The following SNX25 variants were observed in gnomAD, a reference collection of about 807,000 sequenced individuals.
SNX25 encodes the protein sorting nexin 25.
Under a neutral mutation model 113.7 loss-of-function variants are expected in SNX25, and 62 were observed. The ratio of observed to expected loss-of-function variants is 0.55; its 90% CI spans 0.44 to 0.67. The LOEUF is 0.67. Among genes scored for constraint, SNX25 ranks in the 30% least tolerant of loss-of-function variants. The pLI is 0.00. For synonymous variants in SNX25, 421 were observed against 436.2 expected (o/e 0.97, Z 0.43); for missense variants, 1,014 against 1,161.0 (o/e 0.87, Z 1.84).
intron 14 of SNX25, among the ~76,000 whole-genome samples, chr4:185,351,858 G>A (rs1317408590): frequency 2.6e-5 from 4 of 151,808 alleles, no homozygotes; most frequent in East Asian, 3.9e-4. Context: ...CGCTACACAC[G>A]GGGCGCCAGT....
chr4:185,272,452 C>T lies in SNX25; in HGVS notation c.1091+5297C>T, dbSNP rs112684969. Among the ~76,000 whole-genome samples the T allele has an allele frequency of 1.2e-4, 19 of 152,284 alleles. 1 individual carries two copies. The highest frequency in any genetic ancestry group is 4.3e-4 in the African/African-American group (18 of 41,562). On this transcript the variant is annotated intron_variant, in intron 5 of 18. Coordinates refer to ENST00000652585, the MANE Select transcript of SNX25 (RefSeq NM_001378034.2). ...ACAGCTTGTGGCCCAGGAAAACATC[C>T]ATTGCTGCCTGCATTGTGTAATCCT...
Position 185,347,616 on chromosome 4 carries a change from GCC to G in SNX25, c.2301+967_2301+968del, listed in dbSNP as rs1561041550. 9.2e-5 allele frequency among the ~76,000 whole-genome samples: 14 copies of G among 152,028 alleles called. 1 individual carries two copies. In the East Asian group the frequency reaches 2.7e-3, roughly 29 times the overall value. ...CTCCCAAGTAGCTGGGATTACAGGCGCCTGCCACCACGCCTGGCTAATTTTTG... is the reference window on the plus strand; with the variant it reads ...CTCCCAAGTAGCTGGGATTACAGGCGTGCCACCACGCCTGGCTAATTTTTG... On this transcript the variant is annotated intron_variant, in intron 13 of 18. Coordinates refer to ENST00000652585, the MANE Select transcript of SNX25 (RefSeq NM_001378034.2).
chr4:185,378,380 C>T, the SNX25 span: 26 of 1,395,746 alleles, frequency 1.9e-5, no homozygotes, highest in Middle Eastern at 3.9e-4. Context: ...GACACCAAGA[C>T]CCTCCTCCCT....
At chr4:185,250,219 C>T (rs937506832) in intron 2 of SNX25, among the ~76,000 whole-genome samples, 2 of 152,200 alleles carry the variant, frequency 1.3e-5, no homozygotes, top group Admixed American at 6.5e-5. Flanking sequence ...ATAGACTTAA[C>T]TCCTCTGGTT....
intron 7 of SNX25, among the ~76,000 whole-genome samples, chr4:185,315,617 T>G (rs999558271): frequency 2.6e-5 from 4 of 152,068 alleles, no homozygotes; most frequent in Non-Finnish European, 2.9e-5. Flanking sequence ...CTATAAAACA[T>G]GTAAGGAAGA....
intron 6 of SNX25, among the ~76,000 whole-genome samples, chr4:185,299,216 G>A (rs28589687): frequency 2.0e-5 from 3 of 152,140 alleles, no homozygotes; most frequent in African/African-American, 7.2e-5. Flanking sequence ...GGTGGATGGC[G>A]GCACATGCGC....
intron 1 of SNX25, among the ~76,000 whole-genome samples, chr4:185,225,302 T>A (rs1560906253): frequency 6.6e-6 from 1 of 152,080 alleles, no homozygotes; most frequent in Admixed American, 6.5e-5. Context: ...ATTTTTGTAT[T>A]TTTAGTAGAG....
chr4:185,305,056 T>C (rs1278527413), intron 6 of SNX25, among the ~76,000 whole-genome samples: 2 of 152,102 alleles, frequency 1.3e-5, no homozygotes, highest in African/African-American at 4.8e-5. Flanking sequence ...TACCTCTGTA[T>C]CAGCACTGCT....
chr4:185,279,445 A>G (rs533463952), intron 5 of SNX25, among the ~76,000 whole-genome samples: 47 of 152,304 alleles, frequency 3.1e-4, no homozygotes, highest in African/African-American at 1.1e-3. Context: ...GCAACACTAA[A>G]AAGATGGGAA....
At chr4:185,280,623 A>G (rs1750431795) in intron 5 of SNX25, among the ~76,000 whole-genome samples, 1 of 152,226 alleles carries the variant, frequency 6.6e-6, no homozygotes, top group Admixed American at 6.5e-5. Context: ...GGTATAACAG[A>G]CACTAAAGCC....
intron 18 of SNX25, 126 bp downstream of exon 18, chr4:185,362,837 CTTTTTTT>C: frequency 6.5e-5 from 16 of 247,994 alleles, no homozygotes; most frequent in Admixed American, 2.2e-4. Context: ...TCTCCCTTGA[CTTTTTTT>C]TTTTTTTTTT....
At chr4:185,252,775 G>A (rs1017749552) in intron 2 of SNX25, among the ~76,000 whole-genome samples, 1 of 152,146 alleles carries the variant, frequency 6.6e-6, no homozygotes, top group Non-Finnish European at 1.5e-5. Context: ...GAAGAAAGAA[G>A]TAATAGTCAA....
At chr4:185,371,305 C>T (rs1334692696), downstream of SNX25, among the ~76,000 whole-genome samples, 7 of 151,948 alleles carry the variant, frequency 4.6e-5, no homozygotes, top group Non-Finnish European at 8.8e-5. Flanking sequence ...TTTGGGAGGC[C>T]AAGGCAGGCG....
chr4:185,247,410 T>G (rs755160744), intron 2 of SNX25, 32 bp downstream of exon 2: 10 of 1,360,380 alleles, frequency 7.4e-6, no homozygotes, highest in African/African-American at 2.9e-5. Flanking sequence ...ATAATTACCA[T>G]GTAAAGCAAT....
At chr4:185,253,020 A>C (rs1388104231) in intron 2 of SNX25, among the ~76,000 whole-genome samples, 2 of 152,232 alleles carry the variant, frequency 1.3e-5, no homozygotes, top group Admixed American at 6.5e-5. Flanking sequence ...AGATAGCTTC[A>C]GAAGATTCTC....
chr4:185,253,714 C>T (rs969534964), intron 2 of SNX25, among the ~76,000 whole-genome samples: 5 of 152,168 alleles, frequency 3.3e-5, no homozygotes, highest in Admixed American at 2.0e-4. Flanking sequence ...GGTGATCCAC[C>T]GGCCTTGGCC....
At chr4:185,376,677 T>C in the SNX25 span, among the ~76,000 whole-genome samples, 1 of 152,140 alleles carries the variant, frequency 6.6e-6, no homozygotes, top group Non-Finnish European at 1.5e-5. Context: ...ATGGATTTTA[T>C]ACTAAAACGA....
Position 185,339,365 on chromosome 4 carries a change from T to C in SNX25, c.1915-14T>C. On this transcript the variant is annotated splice_polypyrimidine_tract_variant and intron_variant, in intron 10 of 18. Coordinates refer to ENST00000652585, the MANE Select transcript of SNX25 (RefSeq NM_001378034.2). Reference sequence around the variant, plus strand: ...AGTGTTTTCATAACTCCCAGGATATTTTCCCTGTGGCAGATTGTTTCCAAG... The same window carrying C: ...AGTGTTTTCATAACTCCCAGGATATCTTCCCTGTGGCAGATTGTTTCCAAG... 1 of 1,613,228 alleles carries C rather than the reference T, an allele frequency of 6.2e-7. No homozygotes were observed. Among genetic ancestry groups the C allele is most frequent in the African/African-American group, 1.3e-5 (1 of 75,032 alleles).
In SNX25 at chr4:185,310,764, A is replaced by T; in HGVS notation, c.1292A>T (p.Asp431Val). Residue 431 changes from aspartate to valine, a missense_variant, in exon 7 of 19, where the codon GAC becomes GTC. Coordinates refer to ENST00000652585, the MANE Select transcript of SNX25 (RefSeq NM_001378034.2). ...RIRILGGPAY[D>V]QQEDGALDEG... Reference sequence around the variant, plus strand: ...CGAATCCTGGGAGGCCCTGCCTATGACCAGCAAGAGGATGGGGCCCTGGAT... The same window carrying T: ...CGAATCCTGGGAGGCCCTGCCTATGTCCAGCAAGAGGATGGGGCCCTGGAT... The T allele has an allele frequency of 6.2e-7, 1 of 1,613,794 alleles. No homozygotes were observed. Among genetic ancestry groups the T allele is most frequent in the Non-Finnish European group, 8.5e-7 (1 of 1,179,860 alleles).
Sources: gnomAD v4.1 joint callset for allele counts (sites outside exome capture counted in the v4.1 genomes callset) on GRCh38, gnomAD v4.1.1 for gene constraint, MANE v1.5 for transcripts, NCBI Gene and HGNC (gene_info 2026-07-23, HGNC 2026-07-21) for gene names.